Variants in RIPOR2 observed in about 807,000 individuals in gnomAD.
RIPOR2 encodes the protein rho family-interacting cell polarization regulator 2.
Under a neutral mutation model 114.5 loss-of-function variants are expected in RIPOR2, and 39 were observed. That is an observed-to-expected ratio of 0.34 (90% confidence interval 0.26 to 0.44). RIPOR2 has a LOEUF of 0.44. Among genes scored for constraint, RIPOR2 ranks in the 20% least tolerant of loss-of-function variants. The probability of loss-of-function intolerance (pLI) is 1.00; values close to 1 mark genes in which losing one functional copy is unlikely to be tolerated. For synonymous variants in RIPOR2, 445 were observed against 484.4 expected, an observed-to-expected ratio of 0.92 and a Z score of 1.07; for missense variants, 1,007 against 1,255.1, an observed-to-expected ratio of 0.80 and a Z score of 2.99.
At chr6:24,808,094 C>T (rs1171229088) in intron 21 of RIPOR2, among the ~76,000 whole-genome samples, 1 of 152,142 alleles carries the variant, frequency 6.6e-6, no homozygotes, top group East Asian at 1.9e-4. Flanking sequence ...GTTTAAGCTT[C>T]CCTGGCAAAT....
At chr6:25,028,310 G>A (rs900991311) in intron 1 of RIPOR2, among the ~76,000 whole-genome samples, 1 of 152,078 alleles carries the variant, frequency 6.6e-6, no homozygotes, top group Non-Finnish European at 1.5e-5. Context: ...AGGTGGTAGG[G>A]TGCATTTTCT....
chr6:24,869,232 C>A, intron 5 of RIPOR2, 85 bp from the exon 6 acceptor site: 1 of 640,054 alleles, frequency 1.6e-6, no homozygotes, highest in Non-Finnish European at 2.8e-6. Flanking sequence ...TTATATCATA[C>A]TCAAAAGTAT....
intron 1 of RIPOR2, among the ~76,000 whole-genome samples, chr6:24,922,406 G>A (rs1475930483): frequency 1.3e-5 from 2 of 152,182 alleles, no homozygotes; most frequent in Non-Finnish European, 2.9e-5. Context: ...CTTGGTCAGC[G>A]TCAGCTGCCT....
chr6:24,958,515 G>A (rs1773148167), intron 1 of RIPOR2, among the ~76,000 whole-genome samples: 1 of 152,038 alleles, frequency 6.6e-6, no homozygotes, highest in Admixed American at 6.6e-5. Flanking sequence ...AGCATGAGAG[G>A]GGGAGAATAA....
intron 1 of RIPOR2, among the ~76,000 whole-genome samples, chr6:24,879,423 G>C (rs1414093014): frequency 6.6e-6 from 1 of 152,192 alleles, no homozygotes; most frequent in African/African-American, 2.4e-5. Context: ...AGAGTGAGCA[G>C]TTTTGTTTTG....
intron 1 of RIPOR2, among the ~76,000 whole-genome samples, chr6:25,039,667 A>C (rs1035336252): frequency 6.6e-6 from 1 of 152,206 alleles, no homozygotes; most frequent in Non-Finnish European, 1.5e-5. Flanking sequence ...ATACTAGTGA[A>C]ACCATGCAGA....
chr6:24,925,097 A>T (rs1335221114), intron 1 of RIPOR2, among the ~76,000 whole-genome samples: 1 of 152,198 alleles, frequency 6.6e-6, no homozygotes, highest in Non-Finnish European at 1.5e-5. Flanking sequence ...GTTCATCTGT[A>T]AAAAACCATT....
At chr6:24,880,356 AAC>A (rs1188125917) in intron 1 of RIPOR2, among the ~76,000 whole-genome samples, 2 of 152,232 alleles carry the variant, frequency 1.3e-5, no homozygotes, top group Non-Finnish European at 2.9e-5. Context: ...TACAGAATGA[AAC>A]AGAGTATGAT....
At chr6:24,940,570 A>G (rs1185623686), upstream of RIPOR2, among the ~76,000 whole-genome samples, 2 of 152,208 alleles carry the variant, frequency 1.3e-5, no homozygotes, top group African/African-American at 4.8e-5. Flanking sequence ...TAACTTTGCC[A>G]GTAAAGATGC....
At chr6:24,837,831 A>T (rs139095309) in intron 14 of RIPOR2, among the ~76,000 whole-genome samples, 6 of 152,206 alleles carry the variant, frequency 3.9e-5, no homozygotes, top group Non-Finnish European at 5.9e-5. Flanking sequence ...ATTTTGAAAA[A>T]GGAAACCCTT....
intron 3 of RIPOR2, among the ~76,000 whole-genome samples, chr6:24,873,209 G>C (rs548836972): frequency 6.6e-6 from 1 of 152,356 alleles, no homozygotes; most frequent in East Asian, 1.9e-4. Flanking sequence ...CCAGTGGGGA[G>C]GCAAGGGGCA....
chr6:24,851,829 C>T (rs140279210), intron 9 of RIPOR2, among the ~76,000 whole-genome samples: 128 of 151,570 alleles, frequency 8.4e-4, no homozygotes, highest in African/African-American at 2.5e-3. Flanking sequence ...TTCCAGGTGA[C>T]GTTAGCTGAA....
chr6:24,873,284 T>C (rs17608254), intron 3 of RIPOR2, among the ~76,000 whole-genome samples: 3 of 152,150 alleles, frequency 2.0e-5, no homozygotes, highest in African/African-American at 7.2e-5. Context: ...ATAGAACAAA[T>C]AGTGAATGTC....
At chr6:24,891,815 C>G (rs1467156692) in intron 1 of RIPOR2, among the ~76,000 whole-genome samples, 1 of 152,126 alleles carries the variant, frequency 6.6e-6, no homozygotes. Context: ...AATTTATGGT[C>G]CTTAGCCAAT....
At chr6:24,995,947 C>T (rs907246390) in intron 1 of RIPOR2, among the ~76,000 whole-genome samples, 5 of 152,016 alleles carry the variant, frequency 3.3e-5, no homozygotes, top group Non-Finnish European at 7.4e-5. Context: ...GGACTACAGG[C>T]GCCCACCACC....
At chr6:24,936,353 C>G (rs1293869775), upstream of RIPOR2, among the ~76,000 whole-genome samples, 1 of 152,210 alleles carries the variant, frequency 6.6e-6, no homozygotes, top group African/African-American at 2.4e-5. Context: ...GAAAGTAAAG[C>G]AAGCCACTAT....
chr6:24,987,880 G>A (rs1479767980), intron 1 of RIPOR2, among the ~76,000 whole-genome samples: 2 of 152,078 alleles, frequency 1.3e-5, no homozygotes. Context: ...AATAAACCAG[G>A]CCTATACTGT....
intron 1 of RIPOR2, chr6:25,024,516 C>T (rs2113728751): frequency 1.5e-6 from 1 of 685,804 alleles, no homozygotes; most frequent in Non-Finnish European, 2.6e-6. Flanking sequence ...GAGTTCCCAG[C>T]GTCTGGAATC....
rs541810877 is a variant in RIPOR2, at chr6:24,956,768, C to A, written c.77-80951G>T. Among the ~76,000 whole-genome samples, 6 of 152,362 alleles carry A rather than the reference C, an allele frequency of 3.9e-5. No homozygotes were observed. The South Asian group carries it at 1.2e-3, about 32-fold the overall frequency. ...CGTCTTTCCACATCAATAAATCTTGCTCTCTGTGCCTTGCTTGCAAATATC... is the reference window on the plus strand; with the variant it reads ...CGTCTTTCCACATCAATAAATCTTGATCTCTGTGCCTTGCTTGCAAATATC... On this transcript the variant is annotated intron_variant, in intron 1 of 13. Transcript: ENST00000510784.
Sources: allele counts gnomAD v4.1 joint callset (sites outside exome capture counted in the v4.1 genomes callset), GRCh38; gene constraint gnomAD v4.1.1; transcripts MANE v1.5; gene names NCBI Gene and HGNC (gene_info 2026-07-23, HGNC 2026-07-21).